Variants in AP1S3 observed in about 807,000 individuals in gnomAD.
The protein encoded by AP1S3 is AP-1 complex subunit sigma-3.
AP1S3 carries 10 observed loss-of-function variants against 20.9 expected under a neutral mutation model. The observed-to-expected ratio is 0.48, with a 90% CI of 0.29 to 0.81. The LOEUF is 0.81. Ranked by LOEUF, AP1S3 falls within the 30% of genes least tolerant of loss-of-function variation. The pLI is 0.08. For missense variants in AP1S3, 154 were observed against 183.8 expected (o/e 0.84, Z 0.94); for synonymous variants, 41 against 61.5 (o/e 0.67, Z 1.56).
At chr2:223,796,645 G>A (rs982775541) in intron 1 of AP1S3, among the ~76,000 whole-genome samples, 1 of 151,824 alleles carries the variant, frequency 6.6e-6, no homozygotes, top group African/African-American at 2.4e-5. Flanking sequence ...TTTCACTTAT[G>A]GGTGTGTATT....
At chr2:223,794,305 A>T (rs1442727952) in intron 1 of AP1S3, among the ~76,000 whole-genome samples, 5 of 151,982 alleles carry the variant, frequency 3.3e-5, no homozygotes, top group Admixed American at 6.6e-5. Flanking sequence ...CACTAACACT[A>T]TTGCGCCACT....
chr2:223,768,268 TTTTC>T (rs1316278267), intron 3 of AP1S3, among the ~76,000 whole-genome samples: 1 of 152,196 alleles, frequency 6.6e-6, no homozygotes, highest in Non-Finnish European at 1.5e-5. Context: ...CCAAATGTCC[TTTTC>T]TTTATTCTCC....
At chr2:223,769,736 A>AC (rs1690564760) in intron 3 of AP1S3, among the ~76,000 whole-genome samples, 1 of 80,122 alleles carries the variant, frequency 1.2e-5, no homozygotes, top group Non-Finnish European at 2.2e-5. Flanking sequence ...ATGCAATCCC[A>AC]TTTTTTTTTT....
chr2:223,809,464 G>A (rs2106117101), intron 1 of AP1S3, among the ~76,000 whole-genome samples: 1 of 152,062 alleles, frequency 6.6e-6, no homozygotes, highest in East Asian at 2.0e-4. Context: ...GACCAATATG[G>A]TGAAACCCCG....
chr2:223,808,163 G>T (rs995138128), intron 1 of AP1S3, among the ~76,000 whole-genome samples: 3 of 152,148 alleles, frequency 2.0e-5, no homozygotes, highest in Non-Finnish European at 2.9e-5. Flanking sequence ...AACAGAGCTG[G>T]TATAAGTTCT....
chr2:223,812,675 A>G (rs1301912312), intron 1 of AP1S3, among the ~76,000 whole-genome samples: 1 of 152,200 alleles, frequency 6.6e-6, no homozygotes, highest in Non-Finnish European at 1.5e-5. Flanking sequence ...GAAGAATAAA[A>G]TGTAAAATTT....
chr2:223,770,726 CATTT>C (rs1461875043), intron 3 of AP1S3, among the ~76,000 whole-genome samples: 4 of 76,630 alleles, frequency 5.2e-5, no homozygotes, highest in Non-Finnish European at 8.5e-5. Context: ...TAGACCAGTT[CATTT>C]TTTTTTTTTT....
chr2:223,789,884 T>C (rs1410363404), intron 1 of AP1S3, among the ~76,000 whole-genome samples: 2 of 145,750 alleles, frequency 1.4e-5, no homozygotes, highest in Non-Finnish European at 3.0e-5. Flanking sequence ...GAAGGTGTAA[T>C]GATATCAAGA....
intron 1 of AP1S3, among the ~76,000 whole-genome samples, chr2:223,790,493 CAA>C (rs1691192254): frequency 6.6e-6 from 1 of 152,114 alleles, no homozygotes. Context: ...CTCGGCCTCC[CAA>C]AGTGCTGAGA....
chr2:223,831,748 T>C (rs1357444220), intron 1 of AP1S3, among the ~76,000 whole-genome samples: 1 of 152,008 alleles, frequency 6.6e-6, no homozygotes, highest in Non-Finnish European at 1.5e-5. Flanking sequence ...AACAAAACAA[T>C]ATCAAAAGGA....
intron 1 of AP1S3, among the ~76,000 whole-genome samples, chr2:223,815,869 G>A (rs1195408644): frequency 6.6e-6 from 1 of 152,212 alleles, no homozygotes; most frequent in Non-Finnish European, 1.5e-5. Flanking sequence ...TAGCACTACG[G>A]GAGGCTAAGG....
At chr2:223,831,833 T>C (rs534122277) in intron 1 of AP1S3, among the ~76,000 whole-genome samples, 1 of 152,102 alleles carries the variant, frequency 6.6e-6, no homozygotes, top group South Asian at 2.1e-4. Flanking sequence ...TCCCAGCACT[T>C]TGGGAGGCTG....
chr2:223,775,825 G>A (rs1176897250), intron 3 of AP1S3, 76 bp downstream of exon 3: 3 of 1,073,800 alleles, frequency 2.8e-6, no homozygotes, highest in South Asian at 1.4e-5. Flanking sequence ...GAGAAGGGAT[G>A]TGACCAGAGA....
At chr2:223,807,862 C>CTTTTGTTTTTTTTT (rs1691621977) in intron 1 of AP1S3, among the ~76,000 whole-genome samples, 1 of 68,168 alleles carries the variant, frequency 1.5e-5, no homozygotes, top group African/African-American at 5.8e-5. Context: ...TCAGGCATTT[C>CTTTTGTTTTTTTTT]TTTTCTTTTT....
chr2:223,801,683 G>A (rs7558399), intron 1 of AP1S3, among the ~76,000 whole-genome samples: 62,204 of 151,792 alleles, frequency 0.41, 12,913 homozygotes, highest in Middle Eastern at 0.48. Flanking sequence ...ACTCCAAGTG[G>A]TCTGCCCGCC....
chr2:223,782,816 G>C (rs1275651581), intron 1 of AP1S3, among the ~76,000 whole-genome samples: 1 of 152,156 alleles, frequency 6.6e-6, no homozygotes, highest in Non-Finnish European at 1.5e-5. Context: ...TGCTCTGCTT[G>C]AGAACTGAGC....
At chr2:223,820,968 T>A (rs973111091) in intron 1 of AP1S3, among the ~76,000 whole-genome samples, 5 of 152,044 alleles carry the variant, frequency 3.3e-5, no homozygotes, top group African/African-American at 4.8e-5. Context: ...TCTAACATAC[T>A]TTCAGGGCCC....
chr2:223,774,604 G>C (rs1031570895), intron 3 of AP1S3, among the ~76,000 whole-genome samples: 1 of 152,074 alleles, frequency 6.6e-6, no homozygotes, highest in African/African-American at 2.4e-5. Context: ...GAAAAGCTCA[G>C]AGGCATAAAA....
At chr2:223,779,628 G>C (rs1690875678) in intron 1 of AP1S3, among the ~76,000 whole-genome samples, 1 of 151,890 alleles carries the variant, frequency 6.6e-6, no homozygotes, top group Non-Finnish European at 1.5e-5. Flanking sequence ...ATATATACCA[G>C]GAACAAAAAA....
Sources: allele counts gnomAD v4.1 joint callset (sites outside exome capture counted in the v4.1 genomes callset), GRCh38; gene constraint gnomAD v4.1.1; transcripts MANE v1.5; gene names NCBI Gene and HGNC (gene_info 2026-07-23, HGNC 2026-07-21).